Variants in EXT1 observed in about 807,000 individuals in gnomAD.
The protein encoded by EXT1 is exostosin glycosyltransferase 1.
EXT1 carries 20 observed loss-of-function variants against 82.5 expected under a neutral mutation model. That is an observed-to-expected ratio of 0.24 (90% CI 0.17 to 0.35). The LOEUF is 0.35. Ranked by LOEUF, EXT1 falls within the 10% of genes least tolerant of loss-of-function variation. The pLI is 1.00. For synonymous variants in EXT1, 348 were observed against 350.8 expected, an observed-to-expected ratio of 0.99 and a Z score of 0.09; for missense variants, 757 against 936.5, an observed-to-expected ratio of 0.81 and a Z score of 2.50.
rs1823106395 is a variant in EXT1, at chr8:117,797,786, A to T, written c.*1926T>A. 2.0e-5 allele frequency: 3 copies of T among 152,326 alleles called. No individual in the cohort carries two copies. In the Middle Eastern group the frequency reaches 0.01, roughly 518 times the overall value. The allele number at this position is 152,326 out of a possible 1,614,324, so 9.4% of individuals were successfully genotyped here. A position where few individuals can be genotyped will look rare whatever the true frequency, so the allele number is the denominator to read the frequency against. ...ATTTTTCAACAAATGCCTAAGAGAT[A>T]ATCACATCTACTTAGGGGAAAATGT... On this transcript the variant is annotated 3_prime_UTR_variant, in exon 11 of 11. Transcript: ENST00000378204.
chr8:117,885,495 A>T (rs1237584478), intron 1 of EXT1, among the ~76,000 whole-genome samples: 1 of 13,836 alleles, frequency 7.2e-5, no homozygotes, highest in African/African-American at 3.6e-4. Context: ...AGTAACAGAC[A>T]AAAAAAAAAA....
intron 1 of EXT1, among the ~76,000 whole-genome samples, chr8:117,913,148 G>A (rs577383762): frequency 6.6e-5 from 10 of 152,164 alleles, no homozygotes; most frequent in Non-Finnish European, 1.3e-4. Context: ...CTTGAACCCG[G>A]GAGGTGGAGG....
At chr8:118,059,981 C>T (rs183036785) in intron 1 of EXT1, among the ~76,000 whole-genome samples, 1 of 152,294 alleles carries the variant, frequency 6.6e-6, no homozygotes, top group African/African-American at 2.4e-5. Flanking sequence ...TACTGCCACA[C>T]ATAGGACCCA....
chr8:117,823,533 C>T (rs17430140), intron 4 of EXT1, among the ~76,000 whole-genome samples: 5,512 of 150,898 alleles, frequency 0.037, 133 homozygotes, highest in Non-Finnish European at 0.055. Context: ...AAAATCCTGC[C>T]GTAAGTTTTA....
At chr8:117,982,400 T>C (rs1478961255) in intron 1 of EXT1, among the ~76,000 whole-genome samples, 2 of 152,226 alleles carry the variant, frequency 1.3e-5, no homozygotes, top group Admixed American at 1.3e-4. Context: ...GGAAAAAAAG[T>C]GTCTAGCCCC....
At chr8:117,916,616 A>G (rs1234049010) in intron 1 of EXT1, among the ~76,000 whole-genome samples, 1 of 152,234 alleles carries the variant, frequency 6.6e-6, no homozygotes, top group African/African-American at 2.4e-5. Flanking sequence ...TTTAAAGTTT[A>G]ACAATACTGT....
chr8:117,922,073 C>T (rs1046039553), intron 1 of EXT1, among the ~76,000 whole-genome samples: 1 of 151,832 alleles, frequency 6.6e-6, no homozygotes, highest in African/African-American at 2.4e-5. Flanking sequence ...ACTGGATTTG[C>T]TGCTGCAGGA....
intron 1 of EXT1, among the ~76,000 whole-genome samples, chr8:117,892,506 T>C (rs1185835338): frequency 6.6e-6 from 1 of 152,116 alleles, no homozygotes; most frequent in Non-Finnish European, 1.5e-5. Context: ...CGCATCAAAC[T>C]ACAGAACCCT....
At chr8:118,064,353 G>A (rs900540438) in intron 1 of EXT1, among the ~76,000 whole-genome samples, 24 of 150,484 alleles carry the variant, frequency 1.6e-4, no homozygotes, top group African/African-American at 5.5e-4. Flanking sequence ...GACAGGCCCC[G>A]GTGTATGATG....
chr8:117,822,690 T>A (rs2129749953), intron 4 of EXT1, 93 bp from the exon 5 acceptor site: 1 of 1,450,958 alleles, frequency 6.9e-7, no homozygotes, highest in Non-Finnish European at 9.6e-7. Flanking sequence ...ATGGTGGCAG[T>A]CAGAGTAGTG....
chr8:117,860,064 T>C (rs185776062), intron 1 of EXT1, among the ~76,000 whole-genome samples: 54 of 147,070 alleles, frequency 3.7e-4, no homozygotes, highest in Admixed American at 2.4e-3. Flanking sequence ...GGAGAATTGC[T>C]TGGACCTGGG....
intron 1 of EXT1, among the ~76,000 whole-genome samples, chr8:118,057,553 AAAAAAG>A (rs1183530516): frequency 5.3e-5 from 8 of 152,096 alleles, no homozygotes; most frequent in East Asian, 1.9e-4. Flanking sequence ...TTAATTTAAA[AAAAAAG>A]AAAAAGAAAA....
At chr8:118,073,632 AAGAAGAGAAGAGAAGAGAAGAGAAG>A (rs200527277) in intron 1 of EXT1, among the ~76,000 whole-genome samples, 1,861 of 89,514 alleles carry the variant, frequency 0.021, 29 homozygotes, top group Admixed American at 0.064. Flanking sequence ...AGAGAAGAGA[AAGAAGAGAAGAGAAGAGAAGAGAAG>A]AGAAGAGAAG....
intron 1 of EXT1, among the ~76,000 whole-genome samples, chr8:117,890,704 C>T (rs1813228058): frequency 6.6e-6 from 1 of 152,158 alleles, no homozygotes; most frequent in Non-Finnish European, 1.5e-5. Flanking sequence ...CCATTAATAA[C>T]AATAGTCCTT....
intron 1 of EXT1, among the ~76,000 whole-genome samples, chr8:117,910,014 C>A (rs1313355144): frequency 1.3e-5 from 2 of 152,274 alleles, no homozygotes; most frequent in Admixed American, 1.3e-4. Context: ...GTGGTCCACC[C>A]GTGCCGGCCT....
intron 1 of EXT1, among the ~76,000 whole-genome samples, chr8:117,892,719 G>C (rs1024211196): frequency 6.6e-6 from 1 of 152,238 alleles, no homozygotes; most frequent in Non-Finnish European, 1.5e-5. Flanking sequence ...GGTCCGGTGA[G>C]AGGTAACTGT....
intron 3 of EXT1, among the ~76,000 whole-genome samples, chr8:117,832,301 G>A (rs1046154820): frequency 1.3e-5 from 2 of 152,026 alleles, no homozygotes; most frequent in South Asian, 2.1e-4. Flanking sequence ...CGAGGCAGGC[G>A]GATCACGAGT....
In EXT1 at chr8:117,883,360, C is replaced by A. The variant is rs562580189; in HGVS notation, c.963-46159G>T. Among the ~76,000 whole-genome samples, 5 of 152,320 alleles carry A rather than the reference C, an allele frequency of 3.3e-5. No individual in the cohort carries two copies. In the East Asian group the frequency reaches 9.6e-4, roughly 29 times the overall value. Reference sequence around the variant, plus strand: ...CCCTGGTCAACTTCTTGTAAAACTTCTTTGGCCGCTACACTGCAATTCTTG... The same window carrying A: ...CCCTGGTCAACTTCTTGTAAAACTTATTTGGCCGCTACACTGCAATTCTTG... On this transcript the variant is annotated intron_variant, in intron 1 of 10. Coordinates refer to ENST00000378204, the MANE Select transcript of EXT1 (RefSeq NM_000127.3).
At chr8:117,807,854 G>C (rs1349658372) in intron 8 of EXT1, among the ~76,000 whole-genome samples, 10 of 151,712 alleles carry the variant, frequency 6.6e-5, no homozygotes, top group Admixed American at 6.6e-4. Context: ...TTAAGAGTAA[G>C]AGAAATAACT....
Sources: gnomAD v4.1 joint callset for allele counts (sites outside exome capture counted in the v4.1 genomes callset) on GRCh38, gnomAD v4.1.1 for gene constraint, MANE v1.5 for transcripts, NCBI Gene and HGNC (gene_info 2026-07-23, HGNC 2026-07-21) for gene names.